The following SMIM20 variants were observed in gnomAD, a reference collection of about 807,000 sequenced individuals.
The protein encoded by SMIM20 is mitochondrial translation regulation assembly intermediate of cytochrome c oxidase protein of 7 kDa.
Under a neutral mutation model 8.7 loss-of-function variants are expected in SMIM20, and 3 were observed. The ratio of observed to expected loss-of-function variants is 0.34; its 90% CI spans 0.16 to 0.89. The LOEUF (loss-of-function observed/expected upper bound fraction) is 0.89, where lower values mean the gene tolerates loss of function less well. SMIM20 is among the 40% of genes least tolerant of loss of function. The probability of loss-of-function intolerance (pLI) is 0.49; values close to 1 mark genes in which losing one functional copy is unlikely to be tolerated. For missense variants in SMIM20, 85 were observed against 84.8 expected, an observed-to-expected ratio of 1.00 and a Z score of -0.01; for synonymous variants, 44 against 33.6, an observed-to-expected ratio of 1.31 and a Z score of -1.07.
intron 1 of SMIM20, among the ~76,000 whole-genome samples, chr4:25,920,973 CACA>C (rs1366560941): frequency 6.6e-5 from 10 of 152,154 alleles, no homozygotes; most frequent in African/African-American, 2.4e-4. Context: ...ATGATGGTTG[CACA>C]ACAATGAAAT....
At chr4:25,927,026 C>T (rs1473958477) in intron 1 of SMIM20, among the ~76,000 whole-genome samples, 1 of 151,916 alleles carries the variant, frequency 6.6e-6, no homozygotes, top group Non-Finnish European at 1.5e-5. Flanking sequence ...TGTGTTATTT[C>T]AGAAAGTCTA....
intron 1 of SMIM20, among the ~76,000 whole-genome samples, chr4:25,924,742 G>C (rs548920717): frequency 7.9e-5 from 12 of 152,248 alleles, no homozygotes; most frequent in Admixed American, 7.2e-4. Context: ...ACTTCAGCCT[G>C]TATTTCCGAA....
In SMIM20 at chr4:25,925,248, C is replaced by A. The variant is rs1719270136; in HGVS notation, c.110-3065C>A. 2.0e-5 allele frequency among the ~76,000 whole-genome samples: 3 copies of A among 151,444 alleles called. No homozygotes were observed. The South Asian group carries it at 6.3e-4, about 32-fold the overall frequency. On this transcript the variant is annotated intron_variant, in intron 1 of 2. Transcript: ENST00000506197. ...TATTTTATTTTATTTTTTTATTTTTCTTTTTTGAGACAGAGTTTTGCTCTT... is the reference window on the plus strand; with the variant it reads ...TATTTTATTTTATTTTTTTATTTTTATTTTTTGAGACAGAGTTTTGCTCTT...
chr4:25,928,372 A>G lies in SMIM20; in HGVS notation c.166+3A>G. 2 of 1,549,234 alleles carry G rather than the reference A, an allele frequency of 1.3e-6. No individual in the cohort carries two copies. Among genetic ancestry groups the G allele is most frequent in the South Asian group, 1.2e-5 (1 of 83,512 alleles). On this transcript the variant is annotated splice_donor_region_variant and intron_variant, in intron 2 of 2. Coordinates refer to ENST00000506197, the MANE Select transcript of SMIM20 (RefSeq NM_001145432.3). ...TCAAGAGGATGTGCAGCCACCAGGT[A>G]AACTGAAAAAAAAAAATCAAAACCA...
At chr4:25,919,158 C>T (rs1719152904) in intron 1 of SMIM20, among the ~76,000 whole-genome samples, 1 of 151,954 alleles carries the variant, frequency 6.6e-6, no homozygotes, top group Non-Finnish European at 1.5e-5. Context: ...CCCGCCTCGG[C>T]CTCCCAAAGT....
Position 25,914,419 on chromosome 4 carries a change from T to A in SMIM20, c.106T>A (p.Tyr36Asn). The A allele has an allele frequency of 6.7e-7, 1 of 1,496,714 alleles. No homozygotes were observed. Among genetic ancestry groups the A allele is most frequent in the Non-Finnish European group, 9.0e-7 (1 of 1,113,782 alleles). 92.7% of individuals were successfully genotyped at this position (1,496,714 alleles called of 1,614,324 possible). Residue 36 changes from tyrosine (Y) to asparagine (N), a missense_variant, in exon 1 of 3, where the codon TAC becomes AAC. Tyr to Asn is a moderately radical substitution (Grantham distance 143). Coordinates refer to ENST00000506197, the MANE Select transcript of SMIM20 (RefSeq NM_001145432.3). ...YFRPLMRLEE[Y>N]KKEQAINRAG... ...CCGGCCCCTAATGAGATTGGAGGAG[T>A]ACAGTGAGTGATCTCTAACCCCTTG...
chr4:25,920,160 T>C (rs1560387261), intron 1 of SMIM20, among the ~76,000 whole-genome samples: 1 of 152,232 alleles, frequency 6.6e-6, no homozygotes, highest in Non-Finnish European at 1.5e-5. Context: ...ATTACAGTGC[T>C]CCAGTAACCC....
intron 1 of SMIM20, among the ~76,000 whole-genome samples, chr4:25,915,513 G>A (rs557743632): frequency 6.6e-6 from 1 of 152,266 alleles, no homozygotes; most frequent in South Asian, 2.1e-4. Flanking sequence ...GAGGCAGAGC[G>A]TTTTAAGTGC....
At chr4:25,929,062 C>A in intron 2 of SMIM20, 92 bp from the exon 3 acceptor site, 1 of 1,450,072 alleles carries the variant, frequency 6.9e-7, no homozygotes, top group South Asian at 1.2e-5. Flanking sequence ...TTGCACAGCT[C>A]AGTTCTGATG....
chr4:25,916,757 T>C (rs1365374660), intron 1 of SMIM20, among the ~76,000 whole-genome samples: 3 of 152,162 alleles, frequency 2.0e-5, no homozygotes, highest in Admixed American at 6.5e-5. Context: ...CATTCTGCCA[T>C]GTTGGCCAGG....
rs562836689 is a variant in SMIM20 at position 25,926,087 on chromosome 4, G to A, written c.110-2226G>A. Reference sequence around the variant, plus strand: ...TGCTCACTAGTGAAATTGGTAATAAGTTTATCCTGATTTGTTTACATAGTT... The same window carrying A: ...TGCTCACTAGTGAAATTGGTAATAAATTTATCCTGATTTGTTTACATAGTT... On this transcript the variant is annotated intron_variant, in intron 1 of 2. Transcript: ENST00000506197. 1.1e-4 allele frequency among the ~76,000 whole-genome samples: 16 copies of A among 152,268 alleles called. No individual in the cohort carries two copies. The South Asian group carries it at 3.3e-3, about 32-fold the overall frequency.
intron 1 of SMIM20, among the ~76,000 whole-genome samples, chr4:25,921,781 C>T (rs375180674): frequency 6.6e-6 from 1 of 152,170 alleles, no homozygotes; most frequent in East Asian, 1.9e-4. Flanking sequence ...TGCTGGGGAA[C>T]ACCAGTGTCA....
intron 1 of SMIM20, among the ~76,000 whole-genome samples, chr4:25,920,624 G>A (rs1372142802): frequency 2.7e-4 from 41 of 152,196 alleles, no homozygotes; most frequent in Non-Finnish European, 2.9e-5. Flanking sequence ...TAAGTGTGCA[G>A]TGTTTATAGA....
Position 25,914,273 on chromosome 4 carries a change from C to G in SMIM20, c.-41C>G. 1 of 1,530,312 alleles carries G rather than the reference C, an allele frequency of 6.5e-7. No individual in the cohort carries two copies. The highest frequency in any genetic ancestry group is 8.8e-7 in the Non-Finnish European group (1 of 1,133,950). The allele number at this position is 1,530,312 out of a possible 1,614,324, so 94.8% of individuals were successfully genotyped here. A position where few individuals can be genotyped will look rare whatever the true frequency, so the allele number is the denominator to read the frequency against. On this transcript the variant is annotated 5_prime_UTR_variant, in exon 1 of 3. Transcript: ENST00000506197. ...GTCGGTAACCTGGTTTCCGAGAGTG[C>G]CGGGCGGTCGGCGGGTCAGGGCAGC...
chr4:25,926,876 A>T (rs765752783), intron 1 of SMIM20, among the ~76,000 whole-genome samples: 8 of 152,238 alleles, frequency 5.3e-5, no homozygotes, highest in Non-Finnish European at 1.0e-4. Flanking sequence ...TCCTGCCAAG[A>T]CTGATGACTG....
At chr4:25,922,101 A>T (rs995245333) in intron 1 of SMIM20, among the ~76,000 whole-genome samples, 15 of 152,360 alleles carry the variant, frequency 9.8e-5, no homozygotes, top group African/African-American at 3.4e-4. Context: ...TAAGTTGACT[A>T]TTAATAGTGT....
rs566984489 is a variant in SMIM20, at chr4:25,929,494, G to C, written c.*303G>C. 13 of 309,590 alleles carry C rather than the reference G, an allele frequency of 4.2e-5. No individual in the cohort carries two copies. The East Asian group carries it at 7.6e-4, about 18-fold the overall frequency. The allele number at this position is 309,590 out of a possible 1,614,324, so 19.2% of individuals were successfully genotyped here. A position where few individuals can be genotyped will look rare whatever the true frequency, so the allele number is the denominator to read the frequency against. ...GGAGCAATCTGCTTATTATTCTGTC[G>C]TTACCACTTACTCAAGCGAGCTGTG... is the stretch of plus-strand genomic sequence containing the variant. On this transcript the variant is annotated 3_prime_UTR_variant, in exon 3 of 3. Coordinates refer to ENST00000506197, the MANE Select transcript of SMIM20 (RefSeq NM_001145432.3).
chr4:25,923,202 C>T (rs1577361649), intron 1 of SMIM20, among the ~76,000 whole-genome samples: 1 of 152,142 alleles, frequency 6.6e-6, no homozygotes, highest in South Asian at 2.1e-4. Flanking sequence ...TTAGCTTTCA[C>T]CCTGTTGGCA....
intron 1 of SMIM20, among the ~76,000 whole-genome samples, chr4:25,918,252 T>G (rs1015852709): frequency 1.3e-5 from 2 of 151,850 alleles, no homozygotes; most frequent in African/African-American, 4.8e-5. Flanking sequence ...CAGGTCAGTT[T>G]TTGTAAATAT....
Sources: allele counts gnomAD v4.1 joint callset (sites outside exome capture counted in the v4.1 genomes callset), GRCh38; gene constraint gnomAD v4.1.1; transcripts MANE v1.5; gene names NCBI Gene and HGNC (gene_info 2026-07-23, HGNC 2026-07-21).